The following SENP6 variants were observed in gnomAD, a reference collection of about 807,000 sequenced individuals.
The protein encoded by SENP6 is sentrin-specific protease 6.
Under a neutral mutation model 134.5 loss-of-function variants are expected in SENP6, and 41 were observed. The observed-to-expected ratio is 0.30, with a 90% CI of 0.24 to 0.40. SENP6 has a LOEUF of 0.40. Among genes scored for constraint, SENP6 ranks in the 10% least tolerant of loss-of-function variants. SENP6 has a pLI of 1.00. For missense variants in SENP6, 1,248 were observed against 1,312.5 expected (o/e 0.95, Z 0.76); for synonymous variants, 395 against 429.8 (o/e 0.92, Z 1.00).
At chr6:75,638,555 AGTGTGTGTGTGT>A (rs59936116) in intron 5 of SENP6, among the ~76,000 whole-genome samples, 8 of 26,344 alleles carry the variant, frequency 3.0e-4, no homozygotes, top group African/African-American at 7.8e-4. Context: ...TTGTGTGTGT[AGTGTGTGTGTGT>A]GTGTGTGTGT....
chr6:75,667,727 G>C (rs1233613447), intron 10 of SENP6, among the ~76,000 whole-genome samples: 1 of 152,148 alleles, frequency 6.6e-6, no homozygotes, highest in Non-Finnish European at 1.5e-5. Flanking sequence ...TAATTCCTTA[G>C]ACTCCATCTT....
chr6:75,635,638 G>A (rs1769454031), intron 5 of SENP6, among the ~76,000 whole-genome samples: 1 of 152,042 alleles, frequency 6.6e-6, no homozygotes, highest in South Asian at 2.1e-4. Context: ...TGCCTTAAAT[G>A]TATTATTGTA....
intron 8 of SENP6, among the ~76,000 whole-genome samples, chr6:75,661,508 T>C (rs1771772201): frequency 6.6e-6 from 1 of 152,260 alleles, no homozygotes; most frequent in South Asian, 2.1e-4. Context: ...TAGGTAAACG[T>C]GTGCCGTGGT....
intron 9 of SENP6, 113 bp downstream of exon 9, chr6:75,663,631 A>C: frequency 1.2e-6 from 1 of 801,494 alleles, no homozygotes; most frequent in East Asian, 2.8e-5. Flanking sequence ...ATGTGAGCTT[A>C]AAACTAATCT....
chr6:75,661,798 C>G (rs1771797623), intron 8 of SENP6, among the ~76,000 whole-genome samples: 1 of 152,098 alleles, frequency 6.6e-6, no homozygotes, highest in African/African-American at 2.4e-5. Flanking sequence ...CCTGTAATCC[C>G]AGCACTTTGG....
intron 9 of SENP6, among the ~76,000 whole-genome samples, chr6:75,666,130 CGT>C (rs1772197933): frequency 4.6e-5 from 6 of 130,426 alleles, no homozygotes; most frequent in Admixed American, 2.7e-4. Context: ...ATATATAAAA[CGT>C]ATATATGATA....
Position 75,705,360 on chromosome 6 carries a change from C to T in SENP6, c.2716+2288C>T, listed in dbSNP as rs574220018. 1.1e-4 allele frequency among the ~76,000 whole-genome samples: 17 copies of T among 152,048 alleles called. No individual in the cohort carries two copies. The South Asian group carries it at 1.9e-3, about 17-fold the overall frequency. ...AGGAGTTTGAGACCAGCCTGACCAA[C>T]GTGGTAAAACCCCATCTCTACTAAA... On this transcript the variant is annotated intron_variant, in intron 19 of 23. Coordinates refer to ENST00000447266, the MANE Select transcript of SENP6 (RefSeq NM_015571.4).
chr6:75,655,637 T>G (rs886553157), intron 7 of SENP6, among the ~76,000 whole-genome samples: 1 of 152,198 alleles, frequency 6.6e-6, no homozygotes, highest in Non-Finnish European at 1.5e-5. Context: ...ATCAATAGTT[T>G]GTTTCTTTTT....
At chr6:75,688,987 A>G (rs971105260) in intron 16 of SENP6, among the ~76,000 whole-genome samples, 12 of 152,266 alleles carry the variant, frequency 7.9e-5, no homozygotes, top group Admixed American at 5.2e-4. Context: ...AATCACTTGA[A>G]CCCAGGAGGT....
At chr6:75,613,396 G>A (rs887167780) in intron 1 of SENP6, among the ~76,000 whole-genome samples, 1 of 152,096 alleles carries the variant, frequency 6.6e-6, no homozygotes, top group African/African-American at 2.4e-5. Flanking sequence ...GGACTACACA[G>A]TGTAAGATAT....
At chr6:75,644,895 G>A (rs1336022622) in intron 6 of SENP6, among the ~76,000 whole-genome samples, 1 of 152,036 alleles carries the variant, frequency 6.6e-6, no homozygotes, top group Non-Finnish European at 1.5e-5. Flanking sequence ...GAGATATAAG[G>A]GTATTCTGAA....
intron 3 of SENP6, among the ~76,000 whole-genome samples, chr6:75,628,391 A>G (rs529505438): frequency 6.6e-6 from 1 of 152,266 alleles, no homozygotes; most frequent in Non-Finnish European, 1.5e-5. Context: ...ATAATTATTA[A>G]TGAACACTTG....
At chr6:75,703,801 CA>C (rs890914916) in intron 19 of SENP6, among the ~76,000 whole-genome samples, 5 of 151,258 alleles carry the variant, frequency 3.3e-5, no homozygotes, top group East Asian at 3.9e-4. Context: ...TTCCATCACT[CA>C]AAAAAAAATC....
intron 6 of SENP6, among the ~76,000 whole-genome samples, chr6:75,642,314 C>T (rs145036916): frequency 0.011 from 1,699 of 152,190 alleles, 34 homozygotes; most frequent in African/African-American, 0.038. Flanking sequence ...TAATAATTTC[C>T]ATGTAGAGAA....
intron 7 of SENP6, among the ~76,000 whole-genome samples, chr6:75,659,028 G>GGCACA (rs1771571004): frequency 6.7e-6 from 1 of 148,724 alleles, no homozygotes; most frequent in African/African-American, 2.5e-5. Flanking sequence ...TGAGTGGTTA[G>GGCACA]GCACAGGAAG....
rs753952445 is a variant in SENP6, at chr6:75,621,642, C to T, written c.146+17C>T. Reference sequence around the variant, plus strand: ...AGATAAAGAGTAAGGATTTTTTTTTCCCTCAGATGTTTTATAAGAATAAAA... The same window carrying T: ...AGATAAAGAGTAAGGATTTTTTTTTTCCTCAGATGTTTTATAAGAATAAAA... On this transcript the variant is annotated intron_variant, in intron 2 of 23. Transcript: ENST00000447266. 4 of 1,436,510 alleles carry T rather than the reference C, an allele frequency of 2.8e-6. No homozygotes were observed. The highest frequency in any genetic ancestry group is 1.4e-5 in the African/African-American group (1 of 70,280). The allele number at this position is 1,436,510 out of a possible 1,614,324, so 89.0% of individuals were successfully genotyped here.
intron 18 of SENP6, 65 bp downstream of exon 18, chr6:75,697,582 ATGAG>A: frequency 2.8e-6 from 3 of 1,080,636 alleles, no homozygotes; most frequent in Non-Finnish European, 4.2e-6. Context: ...TTTTTAAATA[ATGAG>A]TATGAGGTGA....
intron 8 of SENP6, among the ~76,000 whole-genome samples, chr6:75,660,644 T>G (rs960721608): frequency 3.9e-5 from 6 of 152,076 alleles, no homozygotes; most frequent in Admixed American, 2.0e-4. Context: ...TCTTTTTTTT[T>G]TTCCCCGAGA....
intron 4 of SENP6, 117 bp downstream of exon 4, chr6:75,633,843 C>CT: frequency 1.4e-6 from 1 of 737,092 alleles, no homozygotes; most frequent in Non-Finnish European, 2.1e-6. Flanking sequence ...TCTATAGGGC[C>CT]AAGAGGTAGC....
Sources: gnomAD v4.1 joint callset for allele counts (sites outside exome capture counted in the v4.1 genomes callset) on GRCh38, gnomAD v4.1.1 for gene constraint, MANE v1.5 for transcripts, NCBI Gene and HGNC (gene_info 2026-07-23, HGNC 2026-07-21) for gene names.